Variants in ABCC11 observed in about 807,000 individuals in gnomAD.
ABCC11 encodes the protein ATP-binding cassette sub-family C member 11.
Under a neutral mutation model 149.3 loss-of-function variants are expected in ABCC11, and 135 were observed. The observed-to-expected ratio is 0.90, with a 90% confidence interval of 0.79 to 1.04. The LOEUF is 1.04. Among genes scored for constraint, ABCC11 ranks in the 50% least tolerant of loss-of-function variants. The probability of loss-of-function intolerance (pLI) is 0.00; values close to 1 mark genes in which losing one functional copy is unlikely to be tolerated. For synonymous variants in ABCC11, 665 were observed against 671.4 expected (o/e 0.99, Z 0.15); for missense variants, 1,680 against 1,722.1 (o/e 0.98, Z 0.43).
chr16:48,221,895 C>T (rs1288144585), intron 6 of ABCC11, among the ~76,000 whole-genome samples: 1 of 151,952 alleles, frequency 6.6e-6, no homozygotes, highest in Non-Finnish European at 1.5e-5. Flanking sequence ...GTATATACCA[C>T]CATGCCTGGT....
At chr16:48,183,535 G>A (rs1196189080) in intron 23 of ABCC11, among the ~76,000 whole-genome samples, 1 of 152,238 alleles carries the variant, frequency 6.6e-6, no homozygotes. Flanking sequence ...ACCGAGGCCA[G>A]TGGATCACTT....
intron 4 of ABCC11, 144 bp from the exon 5 acceptor site, chr16:48,224,573 C>T: frequency 4.6e-6 from 4 of 871,814 alleles, no homozygotes; most frequent in Non-Finnish European, 6.7e-6. Context: ...AGTACTCATC[C>T]CCCTTTCCAG....
In ABCC11 at chr16:48,198,136, C is replaced by T; in HGVS notation, c.2217+5G>A. 6.2e-7 allele frequency: 1 copy of T among 1,614,192 alleles called. No homozygotes were observed. Among genetic ancestry groups the T allele is most frequent in the East Asian group, 2.2e-5 (1 of 44,880 alleles). On this transcript the variant is annotated splice_donor_5th_base_variant and intron_variant, in intron 16 of 29. Coordinates refer to ENST00000356608, the MANE Select transcript of ABCC11 (RefSeq NM_001370497.1). ...GGGTAGTGAGGGCAGTGGGGCAGGA[C>T]TCACCGAAGTGGCTTCCTTGTGCAT...
At position 48,186,965 on chromosome 16, in the gene ABCC11, T is replaced by C. The variant is rs778150422; in HGVS notation, c.3059A>G (p.Asp1020Gly). Residue 1020 changes from aspartate to glycine, a missense_variant, in exon 22 of 30, where the codon GAC becomes GGC. By Grantham distance (94) the Asp-to-Gly change is moderately conservative. Coordinates refer to ENST00000356608, the MANE Select transcript of ABCC11 (RefSeq NM_001370497.1). ...CAGAAGGACTCACTGGCTGATGAAG[T>C]CTTCAGTTTTTCCATAGACATGGAT... ...SSIHVYGKTE[D>G]FISQFKRLTD... 1.5e-5 allele frequency: 25 copies of C among 1,613,998 alleles called. No individual in the cohort carries two copies. In the South Asian group the frequency reaches 2.6e-4, roughly 17 times the overall value.
rs1969325128 is a variant in ABCC11 at position 48,216,145 on chromosome 16, A to T, written c.920T>A (p.Ile307Asn). 1 of 1,614,206 alleles carries T rather than the reference A, an allele frequency of 6.2e-7. No homozygotes were observed. Among genetic ancestry groups the T allele is most frequent in the East Asian group, 2.2e-5 (1 of 44,890 alleles). Residue 307 changes from isoleucine (I) to asparagine (N), a missense_variant, in exon 7 of 30, where the codon ATC (isoleucine) becomes AAC (asparagine). By Grantham distance (149) the Ile-to-Asn change is moderately radical. Coordinates refer to ENST00000356608, the MANE Select transcript of ABCC11 (RefSeq NM_001370497.1). ...TGGGAAAACCAGGAGATAGCATAAG[A>T]TGGCAATAAATGCAGTGTATCCAAT... Reference protein sequence around the residue: ...FIIGYTAFIAILCYLLVFPLA... With the variant: ...FIIGYTAFIANLCYLLVFPLA...
chr16:48,228,051 TTA>T, intron 3 of ABCC11, 87 bp from the exon 4 acceptor site: 1 of 1,006,548 alleles, frequency 9.9e-7, no homozygotes, highest in Non-Finnish European at 1.3e-6. Flanking sequence ...CACAACGAGG[TTA>T]CCCAGATCTA....
intron 5 of ABCC11, among the ~76,000 whole-genome samples, chr16:48,223,367 A>G (rs1046752690): frequency 1.3e-5 from 2 of 152,096 alleles, no homozygotes; most frequent in African/African-American, 2.4e-5. Context: ...CCAGTCTCCT[A>G]TTAGAATCTC....
rs775623649 is a variant in ABCC11, at chr16:48,200,300, G to T, written c.2058C>A (p.Val686=). 1 of 1,614,110 alleles carries T rather than the reference G, an allele frequency of 6.2e-7. No individual in the cohort carries two copies. The highest frequency in any genetic ancestry group is 8.5e-7 in the Non-Finnish European group (1 of 1,179,960). The part of the protein sequence containing the change: ...CIKKTLRGKT[V]VLVTHQLQYL... The stretch of plus-strand genomic sequence containing the variant: ...CCTGCAGCTGGTGGGTCACCAGGAC[G>T]ACCGTCTTCCCCCTGAGTGTCTTCT... Residue 686 remains valine, a synonymous_variant, in exon 15 of 30, where the codon GTC becomes GTA. Transcript: ENST00000356608.
downstream of ABCC11, chr16:48,165,705 C>T (rs1965309753): frequency 1.3e-5 from 2 of 152,214 alleles, no homozygotes; most frequent in Non-Finnish European, 2.9e-5. Flanking sequence ...TCACGAGATT[C>T]CAAATTCCCT....
At chr16:48,167,977 A>C (rs1429394029) in intron 28 of ABCC11, among the ~76,000 whole-genome samples, 1 of 152,270 alleles carries the variant, frequency 6.6e-6, no homozygotes, top group Admixed American at 6.5e-5. Flanking sequence ...AAACTAAAGT[A>C]GAGCGGTGTT....
chr16:48,171,728 C>A (rs1460794217), intron 26 of ABCC11, among the ~76,000 whole-genome samples: 1 of 152,170 alleles, frequency 6.6e-6, no homozygotes, highest in African/African-American at 2.4e-5. Flanking sequence ...CTTTGGGAGG[C>A]TGAGGTGGGC....
chr16:48,209,875 C>T (rs1039065760), intron 11 of ABCC11: 1 of 151,852 alleles, frequency 6.6e-6, no homozygotes, highest in Non-Finnish European at 1.5e-5. Flanking sequence ...AAGGAAAATC[C>T]CTCTGTCTGC....
At chr16:48,244,854 C>T (rs1198574830) in intron 1 of ABCC11, among the ~76,000 whole-genome samples, 4 of 152,204 alleles carry the variant, frequency 2.6e-5, no homozygotes, top group African/African-American at 9.7e-5. Context: ...CTACGCAGTT[C>T]CCTACCGTTC....
chr16:48,175,992 C>T (rs1398607044), intron 25 of ABCC11: 1 of 151,510 alleles, frequency 6.6e-6, no homozygotes, highest in Admixed American at 6.6e-5. Context: ...AGCTGTGTGT[C>T]TTCCTTACCT....
chr16:48,184,657 G>T (rs774060712), intron 22 of ABCC11, 31 bp from the exon 23 acceptor site: 1 of 1,601,952 alleles, frequency 6.2e-7, no homozygotes, highest in Non-Finnish European at 8.5e-7. Flanking sequence ...TAAGAACCAT[G>T]TGTTTGTCTG....
Position 48,216,123 on chromosome 16 carries a change from G to A in ABCC11, c.942C>T (p.Phe314=). Residue 314 remains phenylalanine (F), a synonymous_variant, in exon 7 of 30, where the codon TTC becomes TTT. Transcript: ENST00000356608. Reference sequence around the variant, plus strand: ...CAGAGAAAGACATTACCGCCAGTGGGAAAACCAGGAGATAGCATAAGATGG... The same window carrying A: ...CAGAGAAAGACATTACCGCCAGTGGAAAAACCAGGAGATAGCATAAGATGG... The part of the protein sequence containing the change: ...FIAILCYLLV[F]PLAVFMTRMA... 1 of 1,613,922 alleles carries A rather than the reference G, an allele frequency of 6.2e-7. No individual in the cohort carries two copies. The highest frequency in any genetic ancestry group is 8.5e-7 in the Non-Finnish European group (1 of 1,179,964).
Position 48,175,418 on chromosome 16 carries a change from C to T in ABCC11, c.3539-1G>A. 1 of 1,603,288 alleles carries T rather than the reference C, an allele frequency of 6.2e-7. No individual in the cohort carries two copies. The highest frequency in any genetic ancestry group is 8.5e-7 in the Non-Finnish European group (1 of 1,171,276). On this transcript the variant is annotated splice_acceptor_variant, in intron 25 of 29. Transcript: ENST00000356608. LOFTEE classifies it high-confidence loss of function. ...AGAGCCATGCCCAAGGAGGACTTCCCTGTGGGGCAAGAAACAAGCGGGGCC... is the reference window on the plus strand; with the variant it reads ...AGAGCCATGCCCAAGGAGGACTTCCTTGTGGGGCAAGAAACAAGCGGGGCC...
chr16:48,183,518 T>C (rs1966571363), intron 23 of ABCC11, among the ~76,000 whole-genome samples: 1 of 152,240 alleles, frequency 6.6e-6, no homozygotes, highest in Non-Finnish European at 1.5e-5. Flanking sequence ...TGCCAGCACT[T>C]TGGGAGACCG....
In ABCC11 at chr16:48,240,495, C is replaced by T. The variant is rs550258273; in HGVS notation, c.-19+6819G>A. ...AGGATGAGAACACATGGTCACATGG[C>T]GGGGGAACAACACAATGTGGCCTGA... On this transcript the variant is annotated intron_variant, in intron 1 of 29. Coordinates refer to ENST00000356608, the MANE Select transcript of ABCC11 (RefSeq NM_001370497.1). Among the ~76,000 whole-genome samples, 7 of 151,318 alleles carry T rather than the reference C, an allele frequency of 4.6e-5. No homozygotes were observed. The South Asian group carries it at 8.4e-4, about 18-fold the overall frequency.
Sources: allele counts gnomAD v4.1 joint callset (sites outside exome capture counted in the v4.1 genomes callset), GRCh38; gene constraint gnomAD v4.1.1; transcripts MANE v1.5; gene names NCBI Gene and HGNC (gene_info 2026-07-23, HGNC 2026-07-21).